The following MAML3 variants were observed in gnomAD, a reference collection of about 807,000 sequenced individuals.
MAML3 encodes mastermind like transcriptional coactivator 3, also known as mastermind-like protein 3.
Under a neutral mutation model 101.9 loss-of-function variants are expected in MAML3, and 27 were observed. That is an observed-to-expected ratio of 0.27 (90% CI 0.20 to 0.37). The LOEUF is 0.37. Ranked by LOEUF, MAML3 falls within the 10% of genes least tolerant of loss-of-function variation. MAML3 has a pLI of 1.00. For missense variants in MAML3, 1,316 were observed against 1,444.9 expected, an observed-to-expected ratio of 0.91 and a Z score of 1.45; for synonymous variants, 501 against 555.9, an observed-to-expected ratio of 0.90 and a Z score of 1.39.
At position 139,889,438 on chromosome 4, in the gene MAML3, G is replaced by A. The variant is rs745874986; in HGVS notation, c.1998C>T (p.Asp666=). The part of the protein sequence containing the change: ...LQAPRAHLSE[D]QKRLLLMKQK... ...GCTTCATGAGAAGCAGGCGTTTCTG[G>A]TCTTCGCTCAGGTGTGCCCTGGGGG... The change falls in exon 2 of 5, where the codon GAC becomes GAT. Residue 666 remains aspartate, a synonymous_variant. Transcript: ENST00000509479. 5 of 1,614,030 alleles carry A rather than the reference G, an allele frequency of 3.1e-6. No homozygotes were observed. The highest frequency in any genetic ancestry group is 4.2e-6 in the Non-Finnish European group (5 of 1,179,904).
intron 2 of MAML3, among the ~76,000 whole-genome samples, chr4:139,841,536 G>A (rs1305392195): frequency 6.6e-6 from 1 of 152,198 alleles, no homozygotes; most frequent in East Asian, 1.9e-4. Flanking sequence ...CGGCGCTGAC[G>A]CTTTCTAATG....
At chr4:139,734,042 G>A (rs1560774969) in intron 2 of MAML3, among the ~76,000 whole-genome samples, 1 of 152,144 alleles carries the variant, frequency 6.6e-6, no homozygotes. Flanking sequence ...TCTTTAGTTC[G>A]CAACAAAGCT....
chr4:140,010,478 A>T (rs4863524), intron 1 of MAML3, among the ~76,000 whole-genome samples: 69,746 of 151,986 alleles, frequency 0.46, 16,653 homozygotes, highest in East Asian at 0.65. Context: ...CCTTCTTTTC[A>T]TCGGGGTAGA....
chr4:139,965,051 GT>G (rs1358634461), intron 1 of MAML3, among the ~76,000 whole-genome samples: 1 of 152,108 alleles, frequency 6.6e-6, no homozygotes, highest in Non-Finnish European at 1.5e-5. Context: ...ATAAAACATT[GT>G]TGTTTTAATA....
chr4:140,029,076 C>T (rs1726869392), intron 1 of MAML3, among the ~76,000 whole-genome samples: 2 of 152,190 alleles, frequency 1.3e-5, no homozygotes, highest in African/African-American at 4.8e-5. Flanking sequence ...TGCAGAACCA[C>T]GGGACCCAGC....
At chr4:140,049,428 G>A (rs1560877303) in intron 1 of MAML3, among the ~76,000 whole-genome samples, 1 of 152,158 alleles carries the variant, frequency 6.6e-6, no homozygotes, top group Admixed American at 6.5e-5. Context: ...GAGCAGGAGA[G>A]GCAGGAAGCA....
intron 1 of MAML3, among the ~76,000 whole-genome samples, chr4:140,075,533 A>G (rs532273928): frequency 6.6e-6 from 1 of 152,194 alleles, no homozygotes; most frequent in African/African-American, 2.4e-5. Flanking sequence ...ACATAGATAC[A>G]TATTATTTTA....
rs566863585 is a variant in MAML3, at chr4:139,851,702, C to T, written c.2079+37655G>A. On this transcript the variant is annotated intron_variant, in intron 2 of 4. Coordinates refer to ENST00000509479, the MANE Select transcript of MAML3 (RefSeq NM_018717.5). ...TTTTGTGTACATGGCTTTAGGACTA[C>T]CCTTGAGATTACAAAGGAAATAGGA... Among the ~76,000 whole-genome samples the T allele has an allele frequency of 3.7e-4, 57 of 152,300 alleles. 1 individual carries two copies. The highest frequency in any genetic ancestry group is 5.7e-4 in the Non-Finnish European group (39 of 68,022).
chr4:140,150,811 A>G (rs1232213267), intron 1 of MAML3, among the ~76,000 whole-genome samples: 1 of 152,130 alleles, frequency 6.6e-6, no homozygotes, highest in African/African-American at 2.4e-5. Flanking sequence ...GCTACAGTCG[A>G]GATGCGGGAC....
intron 1 of MAML3, among the ~76,000 whole-genome samples, chr4:140,069,235 T>C (rs1310283484): frequency 1.3e-5 from 2 of 152,136 alleles, no homozygotes; most frequent in Non-Finnish European, 2.9e-5. Flanking sequence ...TTGACTTGGT[T>C]GCACTATGCA....
chr4:140,152,765 G>A, intron 1 of MAML3, 95 bp downstream of exon 1: 1 of 1,521,476 alleles, frequency 6.6e-7, no homozygotes, highest in Non-Finnish European at 8.8e-7. Context: ...GTGCAAATCA[G>A]ACCCTTGTAC....
At chr4:139,770,940 G>A (rs1189720320) in intron 2 of MAML3, among the ~76,000 whole-genome samples, 1 of 152,178 alleles carries the variant, frequency 6.6e-6, no homozygotes, top group Non-Finnish European at 1.5e-5. Context: ...CTGCCCAGAG[G>A]TTGTGAAAGG....
intron 2 of MAML3, among the ~76,000 whole-genome samples, chr4:139,846,984 C>T (rs1032175600): frequency 5.3e-5 from 8 of 152,192 alleles, no homozygotes; most frequent in Admixed American, 4.6e-4. Context: ...GTAAGATTTT[C>T]ACAGTTCACA....
intron 2 of MAML3, among the ~76,000 whole-genome samples, chr4:139,746,483 G>T (rs758229061): frequency 5.3e-5 from 8 of 152,158 alleles, no homozygotes; most frequent in Non-Finnish European, 8.8e-5. Context: ...AGGAGAAGCA[G>T]ATACCCTGGT....
intron 2 of MAML3, among the ~76,000 whole-genome samples, chr4:139,790,816 G>C (rs982539903): frequency 6.6e-6 from 1 of 152,096 alleles, no homozygotes; most frequent in Non-Finnish European, 1.5e-5. Flanking sequence ...TTGGATTGTT[G>C]CTACCTTTTG....
At chr4:139,843,024 G>A (rs1018708050) in intron 2 of MAML3, among the ~76,000 whole-genome samples, 1 of 151,860 alleles carries the variant, frequency 6.6e-6, no homozygotes, top group South Asian at 2.1e-4. Flanking sequence ...CAGGTGATCC[G>A]CCTACCACAG....
intron 2 of MAML3, among the ~76,000 whole-genome samples, chr4:139,747,681 A>T (rs1296734598): frequency 6.8e-6 from 1 of 147,494 alleles, no homozygotes; most frequent in Admixed American, 6.8e-5. Flanking sequence ...GCAAGAGAGC[A>T]AGACTCCCTC....
At chr4:139,968,309 TAAAAAAAA>T (rs60977680) in intron 1 of MAML3, among the ~76,000 whole-genome samples, 1 of 106,310 alleles carries the variant, frequency 9.4e-6, no homozygotes, top group African/African-American at 3.4e-5. Flanking sequence ...GGCTCTGTCT[TAAAAAAAA>T]AAAAAAAAAG....
chr4:139,725,860 G>T (rs751859736), intron 3 of MAML3, 25 bp from the exon 4 acceptor site: 6 of 1,597,336 alleles, frequency 3.8e-6, no homozygotes, highest in Admixed American at 1.7e-5. Context: ...CACAAGAGGG[G>T]TGGAGAGGTG....
Sources: allele counts gnomAD v4.1 joint callset (sites outside exome capture counted in the v4.1 genomes callset), GRCh38; gene constraint gnomAD v4.1.1; transcripts MANE v1.5; gene names NCBI Gene and HGNC (gene_info 2026-07-23, HGNC 2026-07-21).